Variants in PREX1 observed in about 807,000 individuals in gnomAD.
PREX1 encodes the protein phosphatidylinositol 3,4,5-trisphosphate-dependent Rac exchanger 1 protein.
In PREX1, 41 loss-of-function variants were observed where a neutral mutation model predicts 198.3. The observed-to-expected ratio is 0.21, with a 90% confidence interval of 0.16 to 0.27. The LOEUF (loss-of-function observed/expected upper bound fraction) is 0.27. PREX1 is among the 10% of genes least tolerant of loss of function. PREX1 has a pLI of 1.00. For missense variants in PREX1, 1,620 were observed against 2,200.7 expected, an observed-to-expected ratio of 0.74 and a Z score of 5.28; for synonymous variants, 843 against 887.2, an observed-to-expected ratio of 0.95 and a Z score of 0.89.
At chr20:48,767,485 G>T (rs373509448) in intron 1 of PREX1, among the ~76,000 whole-genome samples, 1 of 152,076 alleles carries the variant, frequency 6.6e-6, no homozygotes, top group Non-Finnish European at 1.5e-5. Flanking sequence ...CAGCGGGGGA[G>T]GGTACGTGGG....
At chr20:48,873,753 A>T in the PREX1 span, among the ~76,000 whole-genome samples, 2 of 152,102 alleles carry the variant, frequency 1.3e-5, no homozygotes, top group Non-Finnish European at 2.9e-5. Context: ...TTAAAAAAAT[A>T]AAAATTCAAG....
chr20:48,866,050 G>A, the PREX1 span, among the ~76,000 whole-genome samples: 1 of 151,352 alleles, frequency 6.6e-6, no homozygotes, highest in Non-Finnish European at 1.5e-5. Flanking sequence ...CTCGGCTCAA[G>A]CAATCCTCTC....
At chr20:48,695,144 C>T (rs770973761) in intron 7 of PREX1, among the ~76,000 whole-genome samples, 1 of 152,180 alleles carries the variant, frequency 6.6e-6, no homozygotes, top group Non-Finnish European at 1.5e-5. Context: ...ACAGGCACCC[C>T]CTTATGCCCC....
At chr20:48,639,724 T>A in intron 30 of PREX1, 42 bp downstream of exon 30, 3 of 1,605,974 alleles carry the variant, frequency 1.9e-6, no homozygotes, top group Non-Finnish European at 2.6e-6. Flanking sequence ...CCAAAAGCCA[T>A]GGCCCCCTCC....
chr20:48,647,444 C>T (rs1056749770), intron 25 of PREX1, among the ~76,000 whole-genome samples: 2 of 150,532 alleles, frequency 1.3e-5, no homozygotes, highest in African/African-American at 4.9e-5. Flanking sequence ...TTGGTTGAAC[C>T]CAGGAGGCGG....
In PREX1 at chr20:48,827,336, G is replaced by A. The variant is rs2090513831; in HGVS notation, c.219+306C>T. Among the ~76,000 whole-genome samples, 1 of 152,176 alleles carries A rather than the reference G, an allele frequency of 6.6e-6. No homozygotes were observed. The highest frequency in any genetic ancestry group is 2.4e-5 in the African/African-American group (1 of 41,442). ...CGGGGTCCCCAAGCCCCTGCATCGC[G>A]GATGTAACTAATTTTAAAACTATTT... On this transcript the variant is annotated intron_variant, in intron 1 of 39. Transcript: ENST00000371941. The surrounding 1 kb of genome is among the most constrained non-coding windows in gnomAD (Gnocchi z 4.1).
chr20:48,709,802 G>A (rs1289221913), intron 5 of PREX1, among the ~76,000 whole-genome samples: 2 of 152,222 alleles, frequency 1.3e-5, no homozygotes, highest in African/African-American at 4.8e-5. Flanking sequence ...CACGCTAGCT[G>A]TAACTGTGAG....
intron 10 of PREX1, among the ~76,000 whole-genome samples, chr20:48,686,312 T>C (rs1293213203): frequency 6.6e-6 from 1 of 152,172 alleles, no homozygotes; most frequent in Non-Finnish European, 1.5e-5. Flanking sequence ...TCACACACCC[T>C]ACGGCTGTGT....
intron 29 of PREX1, among the ~76,000 whole-genome samples, chr20:48,640,236 G>A (rs888925404): frequency 1.3e-5 from 2 of 152,156 alleles, no homozygotes; most frequent in African/African-American, 4.8e-5. Flanking sequence ...GGATTCTCAG[G>A]AACTACCTCC....
rs779765138 is a variant in PREX1, at chr20:48,651,419, C to T, written c.2632G>A (p.Gly878Ser). 5.0e-6 allele frequency: 8 copies of T among 1,609,776 alleles called. No individual in the cohort carries two copies. The highest frequency in any genetic ancestry group is 2.2e-5 in the East Asian group (1 of 44,800). Residue 878 changes from glycine to serine, a missense_variant, in exon 22 of 40, where the codon GGC (glycine) becomes AGC (serine). Gly to Ser is a moderately conservative substitution (Grantham distance 56). Coordinates refer to ENST00000371941, the MANE Select transcript of PREX1 (RefSeq NM_020820.4). ...HVLEKIVEPRGCFGLTAKILE... is the reference protein window; with the variant it reads ...HVLEKIVEPRSCFGLTAKILE... The stretch of plus-strand genomic sequence containing the variant: ...ACCTTGGCGGTGAGGCCGAAGCAGC[C>T]GCGGGGCTCCACGATCTTCTCCAGC...
chr20:48,636,214 G>A (rs6019328), intron 32 of PREX1, among the ~76,000 whole-genome samples: 20,378 of 152,240 alleles, frequency 0.13, 1,430 homozygotes, highest in African/African-American at 0.19. Flanking sequence ...CATGGATTCT[G>A]TTATCTGTGT....
chr20:48,732,141 G>A lies in PREX1; in HGVS notation c.519+2405C>T, dbSNP rs1284096966. ...CCCAGACTATTTTATGAATATAAGT[G>A]CAAACATGGAAATGTGAAGATGTAG... On this transcript the variant is annotated intron_variant, in intron 4 of 39. Coordinates refer to ENST00000371941, the MANE Select transcript of PREX1 (RefSeq NM_020820.4). Among the ~76,000 whole-genome samples the A allele has an allele frequency of 2.6e-5, 4 of 152,374 alleles. No homozygotes were observed. In the East Asian group the frequency reaches 7.7e-4, roughly 29 times the overall value.
chr20:48,641,217 T>C (rs34822542), intron 29 of PREX1, among the ~76,000 whole-genome samples: 14,040 of 152,262 alleles, frequency 0.092, 941 homozygotes, highest in Non-Finnish European at 0.15. Context: ...TGGTAAGCCC[T>C]TAACACTTCT....
intron 14 of PREX1, among the ~76,000 whole-genome samples, chr20:48,670,373 C>T (rs74418318): frequency 3.3e-5 from 5 of 150,246 alleles, no homozygotes; most frequent in Admixed American, 6.6e-5. Context: ...GCCCACGTGG[C>T]GGGCATTCCA....
chr20:48,660,843 C>T (rs2089585300), intron 15 of PREX1, among the ~76,000 whole-genome samples: 1 of 152,164 alleles, frequency 6.6e-6, no homozygotes, highest in Admixed American at 6.5e-5. Flanking sequence ...AAGCAAACTC[C>T]AATGAGCAGT....
At chr20:48,729,605 C>A (rs954090833) in intron 4 of PREX1, among the ~76,000 whole-genome samples, 4 of 152,106 alleles carry the variant, frequency 2.6e-5, no homozygotes, top group African/African-American at 7.2e-5. Flanking sequence ...TTGCTTGGGC[C>A]CAAAACCCTA....
chr20:48,769,461 G>A (rs532495702), intron 1 of PREX1, among the ~76,000 whole-genome samples: 28 of 152,218 alleles, frequency 1.8e-4, no homozygotes, highest in African/African-American at 6.3e-4. Context: ...GCATGGGGCC[G>A]GCTTCGTACA....
At chr20:48,815,461 A>T (rs1453486505) in intron 1 of PREX1, among the ~76,000 whole-genome samples, 2 of 152,246 alleles carry the variant, frequency 1.3e-5, no homozygotes, top group African/African-American at 4.8e-5. Context: ...AAATCACTAA[A>T]CAATGAGTTA....
chr20:48,775,219 C>T (rs56186873), intron 1 of PREX1, among the ~76,000 whole-genome samples: 7,340 of 152,190 alleles, frequency 0.048, 367 homozygotes, highest in African/African-American at 0.13. Flanking sequence ...AGCTCCTGCC[C>T]TCACGGAGCT....
Sources: gnomAD v4.1 joint callset for allele counts (sites outside exome capture counted in the v4.1 genomes callset) on GRCh38, gnomAD v4.1.1 for gene constraint, Gnocchi (gnomAD v3.1) non-coding constraint, MANE v1.5 for transcripts, NCBI Gene and HGNC (gene_info 2026-07-23, HGNC 2026-07-21) for gene names.